ABTB2: variants seen among roughly 807,000 people sequenced by gnomAD.
ABTB2 encodes the protein ankyrin repeat and BTB domain containing 2, also known as ankyrin repeat and BTB/POZ domain-containing protein 2.
In ABTB2, 56 loss-of-function variants were observed where a neutral mutation model predicts 104.1. The observed-to-expected ratio is 0.54, with a 90% CI of 0.43 to 0.67. The LOEUF (loss-of-function observed/expected upper bound fraction) is 0.67. Among genes scored for constraint, ABTB2 ranks in the 30% least tolerant of loss-of-function variants. The pLI, the probability that ABTB2 is intolerant of heterozygous loss-of-function variation, is 0.00. For missense variants in ABTB2, 1,279 were observed against 1,407.7 expected (o/e 0.91, Z 1.46); for synonymous variants, 606 against 608.2 (o/e 1.00, Z 0.05).
At chr11:34,341,621 C>T (rs1013131726) in intron 1 of ABTB2, among the ~76,000 whole-genome samples, 2 of 152,020 alleles carry the variant, frequency 1.3e-5, no homozygotes, top group Non-Finnish European at 2.9e-5. Context: ...TTAACCTTAT[C>T]GAATTTGAAT....
chr11:34,354,101 C>T (rs567177053), intron 1 of ABTB2, among the ~76,000 whole-genome samples: 71 of 152,270 alleles, frequency 4.7e-4, no homozygotes, highest in African/African-American at 1.7e-3. Context: ...TGGCCACCCC[C>T]TGGTTTTCAT....
In ABTB2 at chr11:34,152,350, C is replaced by T. The variant is rs1852554283; in HGVS notation, c.*37G>A. 1.3e-6 allele frequency: 2 copies of T among 1,537,110 alleles called. No homozygotes were observed. The highest frequency in any genetic ancestry group is 2.4e-5 in the South Asian group (2 of 83,294). On this transcript the variant is annotated 3_prime_UTR_variant, in exon 17 of 17. Transcript: ENST00000435224. ...CCCGACATGGTGGGCCCTGGCACCT[C>T]CACAGGCCCTGGCCTCGGCAGCCTC...
At chr11:34,305,270 G>C (rs1854757466) in intron 1 of ABTB2, among the ~76,000 whole-genome samples, 1 of 152,144 alleles carries the variant, frequency 6.6e-6, no homozygotes, top group African/African-American at 2.4e-5. Context: ...GCTCATTCTT[G>C]GCAGTGTTAG....
Position 34,160,343 on chromosome 11 carries a change from A to G in ABTB2, c.2408T>C (p.Val803Ala). ...GAAGATGGTAGCCAGTTGCTGGATG[A>G]CGGAGTCGTTCTGTGGGGAGAGGAG... ...DILKTSKNDS[V>A]IQQLATIFTH... The change falls in exon 12 of 17, where the codon GTC becomes GCC. Residue 803 changes from valine (V) to alanine (A), a missense_variant. By Grantham distance (64) the Val-to-Ala change is moderately conservative (BLOSUM62 0). Transcript: ENST00000435224. 6.2e-7 allele frequency: 1 copy of G among 1,613,844 alleles called. No homozygotes were observed. The highest frequency in any genetic ancestry group is 1.1e-5 in the South Asian group (1 of 91,072).
Position 34,317,761 on chromosome 11 carries a change from CAA to C in ABTB2, c.883+38938_883+38939del, listed in dbSNP as rs772418965. Among the ~76,000 whole-genome samples, 290 of 125,594 alleles carry C rather than the reference CAA, an allele frequency of 2.3e-3. 1 individual carries two copies. The highest frequency in any genetic ancestry group is 0.017 in the Middle Eastern group (4 of 234). 82.4% of individuals were successfully genotyped at this position (125,594 alleles called of 152,430 possible). A position where few individuals can be genotyped will look rare whatever the true frequency, so the allele number is the denominator to read the frequency against. On this transcript the variant is annotated intron_variant, in intron 1 of 16. Transcript: ENST00000435224. ...CAGGCAACAGAGCAAAATCCTGTCT[CAA>C]AAAAAAAAAAAAAAAATTAATAACG...
intron 3 of ABTB2, 71 bp downstream of exon 3, chr11:34,197,254 T>C (rs1225355385): frequency 4.0e-6 from 6 of 1,515,734 alleles, no homozygotes; most frequent in Non-Finnish European, 5.5e-6. Flanking sequence ...CGTCAGTCAG[T>C]GTCAGTCAGT....
intron 1 of ABTB2, among the ~76,000 whole-genome samples, chr11:34,307,922 C>A (rs895628841): frequency 6.6e-6 from 1 of 152,236 alleles, no homozygotes; most frequent in Non-Finnish European, 1.5e-5. Flanking sequence ...TGGTCTCGAA[C>A]TCCTGACCTC....
chr11:34,225,899 A>G (rs1853679708), intron 1 of ABTB2, among the ~76,000 whole-genome samples: 1 of 151,336 alleles, frequency 6.6e-6, no homozygotes, highest in South Asian at 2.1e-4. Context: ...CCAAGTAACT[A>G]TAGGTTTTAG....
chr11:34,187,352 C>T (rs1425751383), intron 3 of ABTB2, among the ~76,000 whole-genome samples: 1 of 152,204 alleles, frequency 6.6e-6, no homozygotes, highest in East Asian at 1.9e-4. Flanking sequence ...CGTCTTTGAT[C>T]CCATAGCTAA....
chr11:34,161,193 G>A, intron 10 of ABTB2, 112 bp from the exon 11 acceptor site: 1 of 1,165,464 alleles, frequency 8.6e-7, no homozygotes, highest in Non-Finnish European at 1.2e-6. Context: ...TGTCTGCAGA[G>A]CACCCCGCCC....
At chr11:34,215,063 G>GC (rs1853534004) in intron 1 of ABTB2, among the ~76,000 whole-genome samples, 1 of 152,194 alleles carries the variant, frequency 6.6e-6, no homozygotes, top group African/African-American at 2.4e-5. Context: ...CATCACCAGT[G>GC]GGACTTTCTG....
chr11:34,248,840 G>A (rs573973810), intron 1 of ABTB2, among the ~76,000 whole-genome samples: 5 of 152,272 alleles, frequency 3.3e-5, no homozygotes, highest in Middle Eastern at 3.4e-3. Flanking sequence ...CTGCATAAAG[G>A]CATACCACAG....
rs367642739 is a variant in ABTB2, at chr11:34,171,030, C to T, written c.1439G>A (p.Arg480Gln). Reference protein sequence around the residue: ...CFSSFRRLDARAATEKFNQDL... With the variant: ...CFSSFRRLDAQAATEKFNQDL... ...CTGGTTGAATTTTTCAGTAGCTGCTCGGGCATCCAGCCTCCGGAAGGAACT... is the reference window on the plus strand; with the variant it reads ...CTGGTTGAATTTTTCAGTAGCTGCTTGGGCATCCAGCCTCCGGAAGGAACT... The change falls in exon 5 of 17, where the codon CGA (arginine) becomes CAA (glutamine). Residue 480 changes from arginine (R) to glutamine (Q), a missense_variant. Coordinates refer to ENST00000435224, the MANE Select transcript of ABTB2 (RefSeq NM_145804.3). 1.1e-5 allele frequency: 18 copies of T among 1,614,012 alleles called. No homozygotes were observed. Among genetic ancestry groups the T allele is most frequent in the Admixed American group, 5.0e-5 (3 of 60,010 alleles).
chr11:34,299,359 TA>T (rs1358464825), intron 1 of ABTB2, among the ~76,000 whole-genome samples: 1 of 152,050 alleles, frequency 6.6e-6, no homozygotes, highest in African/African-American at 2.4e-5. Flanking sequence ...TGGTTTTTTT[TA>T]AAAAAATAAT....
chr11:34,225,303 C>T (rs1853671719), intron 1 of ABTB2, among the ~76,000 whole-genome samples: 1 of 152,152 alleles, frequency 6.6e-6, no homozygotes, highest in African/African-American at 2.4e-5. Flanking sequence ...GGCCAAAAGC[C>T]GGCCTGGGGA....
chr11:34,188,126 AG>A (rs748898099), intron 3 of ABTB2, among the ~76,000 whole-genome samples: 12 of 152,226 alleles, frequency 7.9e-5, no homozygotes, highest in African/African-American at 1.2e-4. Flanking sequence ...ATTTCAAGCA[AG>A]GGAAACTGAG....
In ABTB2 at chr11:34,159,218, A is replaced by G. The variant is rs1414599543; in HGVS notation, c.2697+78T>C. On this transcript the variant is annotated intron_variant, in intron 14 of 16. Coordinates refer to ENST00000435224, the MANE Select transcript of ABTB2 (RefSeq NM_145804.3). ...GGAATAGAGTGAACAATGACAACCAATGCACAGCTGCCCACAAGGTGGGCT... is the reference window on the plus strand; with the variant it reads ...GGAATAGAGTGAACAATGACAACCAGTGCACAGCTGCCCACAAGGTGGGCT... 7.4e-6 allele frequency: 8 copies of G among 1,074,828 alleles called. No homozygotes were observed. In the Admixed American group the frequency reaches 1.3e-4, roughly 17 times the overall value. The allele number at this position is 1,074,828 out of a possible 1,614,324, so 66.6% of individuals were successfully genotyped here. A position where few individuals can be genotyped will look rare whatever the true frequency, so the allele number is the denominator to read the frequency against.
At chr11:34,314,335 T>C (rs1168746862) in intron 1 of ABTB2, among the ~76,000 whole-genome samples, 1 of 152,186 alleles carries the variant, frequency 6.6e-6, no homozygotes, top group Non-Finnish European at 1.5e-5. Flanking sequence ...GGGTCAGAGA[T>C]TAGACTCTAA....
intron 1 of ABTB2, among the ~76,000 whole-genome samples, chr11:34,232,449 CA>C (rs67998044): frequency 0.042 from 4,857 of 115,324 alleles, 209 homozygotes; most frequent in East Asian, 0.15. Context: ...GACTCTGTCT[CA>C]AAAAAAAAAA....
Sources: allele counts gnomAD v4.1 joint callset (sites outside exome capture counted in the v4.1 genomes callset), GRCh38; gene constraint gnomAD v4.1.1; transcripts MANE v1.5; gene names NCBI Gene and HGNC (gene_info 2026-07-23, HGNC 2026-07-21).